Variants in COL4A2 observed in about 807,000 individuals in gnomAD.
COL4A2 encodes the protein collagen alpha-2(IV) chain.
In COL4A2, 99 loss-of-function variants were observed where a neutral mutation model predicts 200.2. That is an observed-to-expected ratio of 0.49 (90% CI 0.42 to 0.58). COL4A2 has a LOEUF of 0.58. Ranked by LOEUF, COL4A2 falls within the 20% of genes least tolerant of loss-of-function variation. The pLI, the probability that COL4A2 is intolerant of heterozygous loss-of-function variation, is 0.00. For synonymous variants in COL4A2, 897 were observed against 900.6 expected (o/e 1.00, Z 0.07); for missense variants, 1,950 against 2,314.1 (o/e 0.84, Z 3.23).
At chr13:110,435,382 A>G (rs1486329819) in intron 12 of COL4A2, among the ~76,000 whole-genome samples, 1 of 152,248 alleles carries the variant, frequency 6.6e-6, no homozygotes, top group African/African-American at 2.4e-5. Flanking sequence ...TATAATGGAG[A>G]TGAAGTTAGA....
At chr13:110,315,891 G>A (rs1464703373) in intron 3 of COL4A2, among the ~76,000 whole-genome samples, 4 of 152,190 alleles carry the variant, frequency 2.6e-5, no homozygotes, top group Non-Finnish European at 4.4e-5. Context: ...AGCAATGCAA[G>A]CAGATCCTTT....
At chr13:110,310,554 G>A (rs1052135864) in intron 3 of COL4A2, among the ~76,000 whole-genome samples, 3 of 152,190 alleles carry the variant, frequency 2.0e-5, no homozygotes, top group African/African-American at 7.2e-5. Flanking sequence ...GTTCAACAAG[G>A]GGCTGGTCTT....
At chr13:110,429,981 G>T (rs1207322992) in intron 8 of COL4A2, 25 bp downstream of exon 8, 8 of 1,556,754 alleles carry the variant, frequency 5.1e-6, no homozygotes, top group Non-Finnish European at 6.1e-6. Flanking sequence ...GATGGGAGGG[G>T]TAATGAAGGG....
chr13:110,468,438 C>T (rs1301890083), intron 27 of COL4A2: 1 of 417,954 alleles, frequency 2.4e-6, no homozygotes, highest in African/African-American at 2.0e-5. Context: ...CAGCACACAC[C>T]CAGACTACAG....
chr13:110,422,181 C>G (rs1032226495), intron 4 of COL4A2, among the ~76,000 whole-genome samples: 4 of 152,140 alleles, frequency 2.6e-5, no homozygotes, highest in African/African-American at 9.7e-5. Flanking sequence ...GTGAGGGGAG[C>G]GTAGAGCTTC....
intron 29 of COL4A2, among the ~76,000 whole-genome samples, chr13:110,476,265 C>G (rs1413766752): frequency 1.3e-5 from 2 of 152,224 alleles, no homozygotes; most frequent in Non-Finnish European, 2.9e-5. Flanking sequence ...GCCAACTCTT[C>G]ACAACCATTA....
At chr13:110,390,449 G>A (rs1878944658) in intron 4 of COL4A2, among the ~76,000 whole-genome samples, 1 of 152,222 alleles carries the variant, frequency 6.6e-6, no homozygotes, top group Admixed American at 6.5e-5. Context: ...CCCAGCGCTG[G>A]GAGTCTGTGG....
intron 29 of COL4A2, among the ~76,000 whole-genome samples, chr13:110,473,949 A>C (rs1476886899): frequency 9.3e-6 from 1 of 107,076 alleles, no homozygotes; most frequent in African/African-American, 3.5e-5. Flanking sequence ...ACATAGGGAG[A>C]CCCCATTTCT....
At position 110,394,195 on chromosome 13, in the gene COL4A2, A is replaced by G. The variant is rs533851143; in HGVS notation, c.181-30539A>G. On this transcript the variant is annotated intron_variant, in intron 4 of 47. Transcript: ENST00000360467. ...AATAGGTATTTTATAATCGTAAAAC[A>G]AGAGAAAACATTGATGTAGTGCTTA... 3.1e-4 allele frequency among the ~76,000 whole-genome samples: 47 copies of G among 152,346 alleles called. No homozygotes were observed. The South Asian group carries it at 3.5e-3, about 11-fold the overall frequency.
chr13:110,438,777 T>A, intron 15 of COL4A2, 109 bp downstream of exon 15: 1 of 1,387,724 alleles, frequency 7.2e-7, no homozygotes, highest in Non-Finnish European at 1.0e-6. Context: ...GCAGAAAGTA[T>A]AGAGATTTCC....
chr13:110,434,461 A>G lies in COL4A2; in HGVS notation c.726+19A>G, dbSNP rs1050055703. The G allele has an allele frequency of 6.2e-7, 1 of 1,612,474 alleles. No individual in the cohort carries two copies. The highest frequency in any genetic ancestry group is 2.2e-5 in the East Asian group (1 of 44,886). ...TGAAAAGGTAAAGGAAGCCTGGTCA[A>G]TTCCAGCAGAGGCATGCAGCATTTC... On this transcript the variant is annotated intron_variant, in intron 12 of 47. Coordinates refer to ENST00000360467, the MANE Select transcript of COL4A2 (RefSeq NM_001846.4).
chr13:110,431,618 A>G lies in COL4A2; in HGVS notation c.649-707A>G, dbSNP rs140605191. 1.7e-3 allele frequency among the ~76,000 whole-genome samples: 261 copies of G among 152,264 alleles called. 3 individuals carry two copies. Among genetic ancestry groups the G allele is most frequent in the Middle Eastern group, 0.014 (4 of 294 alleles). On this transcript the variant is annotated intron_variant, in intron 10 of 47. Transcript: ENST00000360467. ...GGCTTAGTCACGGCACACATGCCAC[A>G]TGGTTGGATTTCATACTTTAAATGC... is the stretch of plus-strand genomic sequence containing the variant.
At chr13:110,385,860 G>GCGTGTGGATAGACCGTGGTTA (rs1566505457) in intron 4 of COL4A2, among the ~76,000 whole-genome samples, 1 of 2,018 alleles carries the variant, frequency 5.0e-4, no homozygotes, top group Non-Finnish European at 1.2e-3. Flanking sequence ...GGCCGTGGTT[G>GCGTGTGGATAGACCGTGGTTA]CAGCGTGTGG....
rs1882060965 is a variant in COL4A2, at chr13:110,462,307, G to A, written c.1699G>A (p.Val567Met). ...GCGGGGACAGCCCGGCGTCCCAGGT[G>A]TGCCCGGGATGAAAGGTGACGATGG... is the stretch of plus-strand genomic sequence containing the variant. ...GERGQPGVPG[V>M]PGMKGDDGSP... The change falls in exon 24 of 48, where the codon GTG becomes ATG. Residue 567 changes from valine to methionine, a missense_variant. Val to Met is a conservative substitution (Grantham distance 21). Transcript: ENST00000360467. 1 of 1,614,236 alleles carries A rather than the reference G, an allele frequency of 6.2e-7. No individual in the cohort carries two copies. The highest frequency in any genetic ancestry group is 8.5e-7 in the Non-Finnish European group (1 of 1,180,044).
chr13:110,335,087 A>G (rs1299671594), intron 3 of COL4A2, among the ~76,000 whole-genome samples: 1 of 151,932 alleles, frequency 6.6e-6, no homozygotes, highest in Non-Finnish European at 1.5e-5. Flanking sequence ...CCTGTGTCAC[A>G]CTTCTCATCC....
intron 4 of COL4A2, among the ~76,000 whole-genome samples, chr13:110,421,763 G>A (rs1310868727): frequency 1.3e-5 from 2 of 152,194 alleles, no homozygotes; most frequent in Non-Finnish European, 2.9e-5. Context: ...CATACTCCAG[G>A]AAAGGAAAGA....
At chr13:110,490,303 A>T (rs1224167609) in intron 36 of COL4A2, among the ~76,000 whole-genome samples, 2 of 152,180 alleles carry the variant, frequency 1.3e-5, no homozygotes, top group Non-Finnish European at 2.9e-5. Flanking sequence ...CCACTCCTAA[A>T]TTCCTGCCTG....
chr13:110,385,130 C>T (rs180788288), intron 4 of COL4A2, among the ~76,000 whole-genome samples: 20 of 152,126 alleles, frequency 1.3e-4, no homozygotes, highest in Non-Finnish European at 2.1e-4. Context: ...GGCGCAGTGG[C>T]GGGTGCCTGT....
At chr13:110,399,355 A>T (rs758676125) in intron 4 of COL4A2, among the ~76,000 whole-genome samples, 73 of 152,328 alleles carry the variant, frequency 4.8e-4, no homozygotes, top group Non-Finnish European at 3.7e-4. Flanking sequence ...CTTGATGGCC[A>T]TCATATATTA....
Sources: allele counts gnomAD v4.1 joint callset (sites outside exome capture counted in the v4.1 genomes callset), GRCh38; gene constraint gnomAD v4.1.1; transcripts MANE v1.5; gene names NCBI Gene and HGNC (gene_info 2026-07-23, HGNC 2026-07-21).